Variants in AQP8 observed in about 807,000 individuals in gnomAD.
AQP8 encodes aquaporin-8.
AQP8 carries 14 observed loss-of-function variants against 26.1 expected under a neutral mutation model. The ratio of observed to expected loss-of-function variants is 0.54; its 90% CI spans 0.35 to 0.84. AQP8 has a LOEUF of 0.84. Ranked by LOEUF, AQP8 falls within the 40% of genes least tolerant of loss-of-function variation. The pLI is 0.01. For synonymous variants in AQP8, 131 were observed against 150.7 expected (o/e 0.87, Z 0.96); for missense variants, 301 against 340.5 (o/e 0.88, Z 0.91).
intron 4 of AQP8, 22 bp from the exon 5 acceptor site, chr16:25,227,046 C>T: frequency 6.2e-7 from 1 of 1,613,500 alleles, no homozygotes; most frequent in Admixed American, 1.7e-5. Context: ...TCCTGGTGAC[C>T]TTGGTGCCTG....
chr16:25,226,972 G>C, intron 4 of AQP8, 96 bp from the exon 5 acceptor site: 2 of 1,570,050 alleles, frequency 1.3e-6, no homozygotes, highest in Non-Finnish European at 1.7e-6. Flanking sequence ...GAGGGTTTCT[G>C]GGTGGTGTGT....
intron 3 of AQP8, among the ~76,000 whole-genome samples, chr16:25,223,064 G>A (rs952079886): frequency 6.6e-6 from 1 of 152,262 alleles, no homozygotes; most frequent in African/African-American, 2.4e-5. Context: ...CATAGAGAGC[G>A]CTTACCTTGT....
At chr16:25,224,614 T>C in intron 4 of AQP8, 38 bp downstream of exon 4, 18 of 1,581,350 alleles carry the variant, frequency 1.1e-5, no homozygotes, top group Non-Finnish European at 1.5e-5. Context: ...CATGCCCAGA[T>C]CTGTGCTGTT....
chr16:25,228,598 G>A lies in AQP8; in HGVS notation c.*106G>A. On this transcript the variant is annotated 3_prime_UTR_variant, in exon 6 of 6. Transcript: ENST00000219660. ...TTCCTGCCAGGGCAGAGGCCCAGAG[G>A]AGCGACCCCCTGCTTCCACTGCTTG... 8.0e-7 allele frequency: 1 copy of A among 1,251,506 alleles called. No individual in the cohort carries two copies. Among genetic ancestry groups the A allele is most frequent in the Non-Finnish European group, 1.2e-6 (1 of 866,218 alleles). The allele number at this position is 1,251,506 out of a possible 1,614,324, so 77.5% of individuals were successfully genotyped here.
In AQP8 at chr16:25,218,324, G is replaced by C. The variant is rs113008223; in HGVS notation, c.260+879G>C. On this transcript the variant is annotated intron_variant, in intron 2 of 5. Coordinates refer to ENST00000219660, the MANE Select transcript of AQP8 (RefSeq NM_001169.3). ...ATCTGCAGTGGTCCTGGCTTGTCAA[G>C]AGGTGATCAAGAAGGAGGGGCAGGG... Among the ~76,000 whole-genome samples, 60 of 152,310 alleles carry C rather than the reference G, an allele frequency of 3.9e-4. 2 individuals carry two copies. Among genetic ancestry groups the C allele is most frequent in the African/African-American group, 1.4e-3 (59 of 41,572 alleles).
At chr16:25,222,684 G>T (rs900131342) in intron 3 of AQP8, among the ~76,000 whole-genome samples, 2 of 151,770 alleles carry the variant, frequency 1.3e-5, no homozygotes, top group African/African-American at 2.4e-5. Flanking sequence ...TGTGTGGGGG[G>T]TGGTGGATGG....
At chr16:25,225,684 C>T (rs1962622106) in intron 4 of AQP8, among the ~76,000 whole-genome samples, 1 of 152,058 alleles carries the variant, frequency 6.6e-6, no homozygotes. Context: ...GCTGGGATTA[C>T]AGGCTGAGCC....
intron 2 of AQP8, among the ~76,000 whole-genome samples, chr16:25,220,319 A>G (rs1479044146): frequency 6.6e-6 from 1 of 152,122 alleles, no homozygotes; most frequent in African/African-American, 2.4e-5. Flanking sequence ...TTTCTCTCTC[A>G]TTGGGGAGTA....
chr16:25,224,704 G>A, intron 4 of AQP8, 128 bp downstream of exon 4: 1 of 928,836 alleles, frequency 1.1e-6, no homozygotes. Context: ...AATGGGGAGG[G>A]GGGCTGGCAT....
chr16:25,219,204 A>G lies in AQP8; in HGVS notation c.260+1759A>G, dbSNP rs934620795. Among the ~76,000 whole-genome samples, 6 of 151,610 alleles carry G rather than the reference A, an allele frequency of 4.0e-5. 1 individual carries two copies. The highest frequency in any genetic ancestry group is 1.5e-4 in the African/African-American group (6 of 41,116). On this transcript the variant is annotated intron_variant, in intron 2 of 5. Transcript: ENST00000219660. ...GAGATCATTGAGGCACAGAGAGGTT[A>G]TGTAACTTTGCCAATGCCACACAGC... is the stretch of plus-strand genomic sequence containing the variant.
In AQP8 at chr16:25,224,417, T is replaced by C. The variant is rs773838747; in HGVS notation, c.443T>C (p.Val148Ala). The C allele has an allele frequency of 6.7e-5, 108 of 1,614,094 alleles. No homozygotes were observed. The South Asian group carries it at 7.4e-4, about 11-fold the overall frequency. ...WNASGAAFVT[V>A]QEQGQVAGAL... Reference sequence around the variant, plus strand: ...GCATCTGGGGCGGCCTTTGTGACAGTCCAGGAGCAGGGGCAGGTGGCAGGG... The same window carrying C: ...GCATCTGGGGCGGCCTTTGTGACAGCCCAGGAGCAGGGGCAGGTGGCAGGG... The change falls in exon 4 of 6, where the codon GTC becomes GCC. Residue 148 changes from valine to alanine, a missense_variant. Physicochemically the swap from Val to Ala is moderately conservative, Grantham distance 64. Transcript: ENST00000219660.
Position 25,227,780 on chromosome 16 carries a change from G to A in AQP8, c.737+578G>A, listed in dbSNP as rs375548299. 5.9e-5 allele frequency among the ~76,000 whole-genome samples: 9 copies of A among 151,860 alleles called. 1 individual carries two copies. Among genetic ancestry groups the A allele is most frequent in the Non-Finnish European group, 2.9e-5 (2 of 67,930 alleles). ...TAGGATTATAGGCATGAGCCACCGC[G>A]CCCAGCCAGTTTTTGTGATTTTTTT... On this transcript the variant is annotated intron_variant, in intron 5 of 5. Coordinates refer to ENST00000219660, the MANE Select transcript of AQP8 (RefSeq NM_001169.3).
At chr16:25,223,123 A>G (rs1076973) in intron 3 of AQP8, among the ~76,000 whole-genome samples, 32,303 of 152,296 alleles carry the variant, frequency 0.21, 3,815 homozygotes, top group Non-Finnish European at 0.27. Flanking sequence ...TGTCAGTATC[A>G]TCCCTATTTT....
At chr16:25,224,255 C>G in intron 3 of AQP8, 107 bp from the exon 4 acceptor site, 1 of 1,029,204 alleles carries the variant, frequency 9.7e-7, no homozygotes, top group South Asian at 1.7e-5. Context: ...TGGACATAAC[C>G]CTTCACTGGC....
intron 2 of AQP8, among the ~76,000 whole-genome samples, chr16:25,217,792 T>G (rs768318171): frequency 6.6e-6 from 1 of 152,220 alleles, no homozygotes; most frequent in African/African-American, 2.4e-5. Flanking sequence ...CTTCCCAAAG[T>G]TTTGGGATTA....
At chr16:25,217,164 A>G in intron 1 of AQP8, 34 bp from the exon 2 acceptor site, 1 of 1,613,332 alleles carries the variant, frequency 6.2e-7, no homozygotes, top group Non-Finnish European at 8.5e-7. Context: ...CTTGCCTCCC[A>G]CCCGTGTCCT....
In AQP8 at chr16:25,224,365, G is replaced by A; in HGVS notation, c.391G>A (p.Val131Met). 1.2e-6 allele frequency: 2 copies of A among 1,611,356 alleles called. No homozygotes were observed. The highest frequency in any genetic ancestry group is 1.7e-6 in the Non-Finnish European group (2 of 1,178,364). Residue 131 changes from valine to methionine, a missense_variant, in exon 4 of 6, where the codon GTG becomes ATG. Physicochemically the swap from Val to Met is conservative, Grantham distance 21. Transcript: ENST00000219660. Reference protein sequence around the residue: ...GMLGAALAKAVSPEERFWNAS... With the variant: ...GMLGAALAKAMSPEERFWNAS... ...GCTCAGCAGCTTCTCTGTGCAGGCG[G>A]TGAGTCCTGAGGAGAGGTTCTGGAA...
chr16:25,217,400 A>T lies in AQP8; in HGVS notation c.215A>T (p.His72Leu). The stretch of plus-strand genomic sequence containing the variant: ...GGGCTGCTGCAGCCGGCCCTGGCCC[A>T]CGGGCTGGCTTTGGGGCTCGTGATT... ...DTGLLQPALA[H>L]GLALGLVIAT... Residue 72 changes from histidine to leucine, a missense_variant, in exon 2 of 6, where the codon CAC becomes CTC. By Grantham distance (99) the His-to-Leu change is moderately conservative. Coordinates refer to ENST00000219660, the MANE Select transcript of AQP8 (RefSeq NM_001169.3). 1.2e-6 allele frequency: 2 copies of T among 1,614,158 alleles called. No homozygotes were observed. The highest frequency in any genetic ancestry group is 2.2e-5 in the South Asian group (2 of 91,088).
rs1357951338 is a variant in AQP8, at chr16:25,228,332, G to T, written c.738-112G>T. On this transcript the variant is annotated intron_variant, in intron 5 of 5. Transcript: ENST00000219660. The stretch of plus-strand genomic sequence containing the variant: ...TCTGCAAGGGGATCTGGCTATTAAG[G>T]CTGGGGAGGCTCAGGAAGTCATCTT... 4.1e-5 allele frequency: 38 copies of T among 930,044 alleles called. 1 individual carries two copies. The Admixed American group carries it at 6.9e-4, about 17-fold the overall frequency. 57.6% of individuals were successfully genotyped at this position (930,044 alleles called of 1,614,324 possible).
Sources: allele counts gnomAD v4.1 joint callset (sites outside exome capture counted in the v4.1 genomes callset), GRCh38; gene constraint gnomAD v4.1.1; transcripts MANE v1.5; gene names NCBI Gene and HGNC (gene_info 2026-07-23, HGNC 2026-07-21).